CCDC14: variants seen among roughly 807,000 people sequenced by gnomAD.
The protein encoded by CCDC14 is coiled-coil domain containing 14.
Under a neutral mutation model 81.4 loss-of-function variants are expected in CCDC14, and 71 were observed. The observed-to-expected ratio is 0.87, with a 90% CI of 0.72 to 1.06. The LOEUF (loss-of-function observed/expected upper bound fraction) is 1.06, where lower values mean the gene tolerates loss of function less well. Among genes scored for constraint, CCDC14 ranks in the 50% least tolerant of loss-of-function variants. The pLI is 0.00. For missense variants in CCDC14, 1,046 were observed against 1,047.3 expected (o/e 1.00, Z 0.02); for synonymous variants, 332 against 364.8 (o/e 0.91, Z 1.03).
At chr3:123,887,549 G>A in the CCDC14 span, among the ~76,000 whole-genome samples, 1 of 152,110 alleles carries the variant, frequency 6.6e-6, no homozygotes, top group Non-Finnish European at 1.5e-5. Flanking sequence ...CTGGGGGCTG[G>A]GAAGTCCAAG....
rs954619793 is a variant in CCDC14, at chr3:123,952,871, G to C, written c.352+2972C>G. ...CATTGTGGTAACAAAGCAAAATCTT[G>C]TATTATTGGTTAACAGCTGCCAACC... On this transcript the variant is annotated intron_variant, in intron 5 of 12. Transcript: ENST00000409697. The C allele has an allele frequency of 1.4e-5, 3 of 209,768 alleles. No individual in the cohort carries two copies. In the Admixed American group the frequency reaches 1.4e-4, roughly 10 times the overall value. 13.0% of individuals were successfully genotyped at this position (209,768 alleles called of 1,614,324 possible). A position where few individuals can be genotyped will look rare whatever the true frequency, so the allele number is the denominator to read the frequency against.
intron 5 of CCDC14, among the ~76,000 whole-genome samples, chr3:123,950,659 G>A (rs913678662): frequency 6.6e-6 from 1 of 152,032 alleles, no homozygotes; most frequent in African/African-American, 2.4e-5. Context: ...GTACTGACAG[G>A]GAGGGAGCCT....
intron 7 of CCDC14, 29 bp from the exon 8 acceptor site, chr3:123,947,348 A>C: frequency 1.3e-6 from 2 of 1,541,694 alleles, no homozygotes; most frequent in East Asian, 2.3e-5. Context: ...AAGTCTTCAG[A>C]AGTATGAGCA....
chr3:123,912,953 G>A (rs1343914534), downstream of CCDC14, among the ~76,000 whole-genome samples: 1 of 152,070 alleles, frequency 6.6e-6, no homozygotes, highest in African/African-American at 2.4e-5. Flanking sequence ...TCCACATTTT[G>A]ATGATACTGA....
downstream of CCDC14, among the ~76,000 whole-genome samples, chr3:123,893,947 C>T (rs1285132809): frequency 1.3e-5 from 2 of 152,000 alleles, no homozygotes; most frequent in African/African-American, 4.8e-5. Context: ...ACTATTAATC[C>T]TTTTCTAGAT....
rs1437109996 is a variant in CCDC14 at position 123,913,655 on chromosome 3, C to T, written c.*1124G>A. The stretch of plus-strand genomic sequence containing the variant: ...AGACTACAGCTGGCTCCTTCAAACG[C>T]TGTAGCACTAACACCTAAAAAAAAA... On this transcript the variant is annotated 3_prime_UTR_variant, in exon 13 of 13. Coordinates refer to ENST00000409697, the MANE Select transcript of CCDC14 (RefSeq NM_001366335.1). The T allele has an allele frequency of 3.1e-6, 3 of 980,050 alleles. No individual in the cohort carries two copies. Among genetic ancestry groups the T allele is most frequent in the Non-Finnish European group, 3.6e-6 (3 of 828,632 alleles). The allele number at this position is 980,050 out of a possible 1,614,324, so 60.7% of individuals were successfully genotyped here. A position where few individuals can be genotyped will look rare whatever the true frequency, so the allele number is the denominator to read the frequency against.
At chr3:123,957,671 G>A (rs1403949495) in intron 1 of CCDC14, 1 of 152,028 alleles carries the variant, frequency 6.6e-6, no homozygotes, top group South Asian at 2.1e-4. Flanking sequence ...TGGGAGTTAT[G>A]CCAGAAACAG....
intron 9 of CCDC14, among the ~76,000 whole-genome samples, chr3:123,934,970 G>C (rs1272861684): frequency 1.3e-5 from 2 of 152,112 alleles, no homozygotes; most frequent in African/African-American, 4.8e-5. Flanking sequence ...TCAAGGAAAA[G>C]AACGAAAGAT....
At chr3:123,960,864 T>C (rs1262875368) in intron 1 of CCDC14, among the ~76,000 whole-genome samples, 1 of 152,126 alleles carries the variant, frequency 6.6e-6, no homozygotes, top group Non-Finnish European at 1.5e-5. Flanking sequence ...AGAGGTTAAG[T>C]CACTCGACGC....
chr3:123,961,193 G>GCCCA lies in CCDC14; in HGVS notation c.-24_-21dup. ...GACCATCTCTCGCCGCCTCAGAGAA[G>GCCCA]CCCAGACCGAGGGAAGTGAAGCCTC... On this transcript the variant is annotated 5_prime_UTR_variant, in exon 1 of 13. Coordinates refer to ENST00000409697, the MANE Select transcript of CCDC14 (RefSeq NM_001366335.1). The GCCCA allele has an allele frequency of 2.6e-6, 4 of 1,551,634 alleles. No individual in the cohort carries two copies. The highest frequency in any genetic ancestry group is 3.5e-6 in the Non-Finnish European group (4 of 1,146,998).
intron 9 of CCDC14, among the ~76,000 whole-genome samples, chr3:123,941,890 A>G (rs575357708): frequency 6.6e-5 from 10 of 152,216 alleles, no homozygotes; most frequent in African/African-American, 2.2e-4. Flanking sequence ...AATAAGAACC[A>G]CTAATATTTT....
At chr3:123,919,855 G>T (rs746311614) in intron 12 of CCDC14, among the ~76,000 whole-genome samples, 1 of 152,052 alleles carries the variant, frequency 6.6e-6, no homozygotes, top group Non-Finnish European at 1.5e-5. Context: ...ACCAATGCAA[G>T]GATACAAGGA....
At chr3:123,916,167 T>A (rs1424522568) in intron 12 of CCDC14, among the ~76,000 whole-genome samples, 1 of 151,770 alleles carries the variant, frequency 6.6e-6, no homozygotes, top group East Asian at 1.9e-4. Flanking sequence ...CCTGGCTAAT[T>A]TTTCTATTTT....
rs2036651946 is a variant in CCDC14, at chr3:123,946,850, A to T, written c.1154T>A (p.Ile385Asn). 1 of 1,613,808 alleles carries T rather than the reference A, an allele frequency of 6.2e-7. No individual in the cohort carries two copies. The highest frequency in any genetic ancestry group is 8.5e-7 in the Non-Finnish European group (1 of 1,179,856). ...NVNKTAEKVR[I>N]IKYLLGELKA... ...GAGCTCTCCCAACAAATATTTTATA[A>T]TTCTAACTTTTTCAGCTGTCTTGTT... Residue 385 changes from isoleucine (I) to asparagine (N), a missense_variant, in exon 8 of 13, where the codon ATT becomes AAT. Physicochemically the swap from Ile to Asn is moderately radical, Grantham distance 149. Coordinates refer to ENST00000409697, the MANE Select transcript of CCDC14 (RefSeq NM_001366335.1).
chr3:123,921,055 C>T (rs1309695922), intron 12 of CCDC14, among the ~76,000 whole-genome samples: 1 of 151,974 alleles, frequency 6.6e-6, no homozygotes, highest in East Asian at 1.9e-4. Flanking sequence ...ACAGAATTTG[C>T]ACAAAACATG....
intron 1 of CCDC14, among the ~76,000 whole-genome samples, chr3:123,959,320 T>G (rs1279933795): frequency 6.6e-6 from 1 of 152,194 alleles, no homozygotes; most frequent in East Asian, 1.9e-4. Context: ...TTTTTTAATG[T>G]CATCCTAACA....
Position 123,915,620 on chromosome 3 carries a change from A to G in CCDC14, c.1877T>C (p.Ile626Thr). ...GTCATGTTGAAGTTGTTTATCATGA[A>G]TGTTCAAGAGTGATTTGGTAAGGTT... ...GNNLTKSLLNIHDKQLQHDPA... is the reference protein window; with the variant it reads ...GNNLTKSLLNTHDKQLQHDPA... The change falls in exon 13 of 13, where the codon ATT becomes ACT. Residue 626 changes from isoleucine to threonine, a missense_variant. Ile to Thr is a moderately conservative substitution (Grantham distance 89). Coordinates refer to ENST00000409697, the MANE Select transcript of CCDC14 (RefSeq NM_001366335.1). 6.2e-7 allele frequency: 1 copy of G among 1,614,018 alleles called. No individual in the cohort carries two copies. Among genetic ancestry groups the G allele is most frequent in the Non-Finnish European group, 8.5e-7 (1 of 1,179,880 alleles).
At chr3:123,926,752 TGTACCTTTCA>T (rs1295777859) in intron 12 of CCDC14, among the ~76,000 whole-genome samples, 1 of 152,100 alleles carries the variant, frequency 6.6e-6, no homozygotes. Flanking sequence ...ACCTTGTACA[TGTACCTTTCA>T]GTCCCATTAC....
chr3:123,950,327 CAT>C (rs1320620020), intron 5 of CCDC14, among the ~76,000 whole-genome samples: 3 of 152,292 alleles, frequency 2.0e-5, no homozygotes, highest in African/African-American at 7.2e-5. Context: ...TACTGAAAGA[CAT>C]GTGCAAGAAT....
Sources: allele counts gnomAD v4.1 joint callset (sites outside exome capture counted in the v4.1 genomes callset), GRCh38; gene constraint gnomAD v4.1.1; transcripts MANE v1.5; gene names NCBI Gene and HGNC (gene_info 2026-07-23, HGNC 2026-07-21).